The following SRCIN1 variants were observed in gnomAD, a reference collection of about 807,000 sequenced individuals.
The protein encoded by SRCIN1 is P130Cas-associated protein.
In SRCIN1, 50 loss-of-function variants were observed where a neutral mutation model predicts 116.2. That is an observed-to-expected ratio of 0.43 (90% CI 0.34 to 0.54). The LOEUF is 0.54. Among genes scored for constraint, SRCIN1 ranks in the 20% least tolerant of loss-of-function variants. The probability of loss-of-function intolerance (pLI) is 0.02; values close to 1 mark genes in which losing one functional copy is unlikely to be tolerated. For synonymous variants in SRCIN1, 736 were observed against 750.0 expected (o/e 0.98, Z 0.30); for missense variants, 1,446 against 1,672.0 (o/e 0.86, Z 2.36).
chr17:38,591,668 C>A (rs1457464312), intron 1 of SRCIN1, among the ~76,000 whole-genome samples: 1 of 152,220 alleles, frequency 6.6e-6, no homozygotes, highest in Non-Finnish European at 1.5e-5. Context: ...AACGCTCAGG[C>A]CTCCCCCAGC....
At chr17:38,549,348 G>T in intron 15 of SRCIN1, 138 bp from the exon 16 acceptor site, 1 of 805,502 alleles carries the variant, frequency 1.2e-6, no homozygotes. Context: ...CTGGGGGCAA[G>T]AACACAGGGC....
chr17:38,582,322 G>C (rs760619301), intron 1 of SRCIN1, among the ~76,000 whole-genome samples: 3 of 152,196 alleles, frequency 2.0e-5, no homozygotes, highest in Non-Finnish European at 4.4e-5. Context: ...TGACTGTGGA[G>C]TGGGAGGGTC....
Position 38,552,828 on chromosome 17 carries a change from G to A in SRCIN1, c.2229C>T (p.Ile743=). The A allele has an allele frequency of 6.2e-7, 1 of 1,613,952 alleles. No individual in the cohort carries two copies. Among genetic ancestry groups the A allele is most frequent in the African/African-American group, 1.3e-5 (1 of 75,020 alleles). Residue 743 remains isoleucine (I), a synonymous_variant, in exon 12 of 19, where the codon ATC becomes ATT. Transcript: ENST00000617146. This position sits in a 1 kb window ranked among gnomAD's most constrained non-coding sequence, Gnocchi z 5.3. ...GGTGGTTGTGGGACACGTCTCTCTG[G>A]ATCTTCTCCACCGATTTCTCCAGGT... The part of the protein sequence containing the change: ...LNDLEKSVEK[I]QRDVSHNHRL...
intron 17 of SRCIN1, chr17:38,546,521 C>T (rs532729474): frequency 1.3e-5 from 2 of 152,440 alleles, no homozygotes; most frequent in East Asian, 1.9e-4. Flanking sequence ...CGCCCGGCTC[C>T]GTTGCCCGAT....
chr17:38,534,299 G>A (rs187729706), intron 18 of SRCIN1, among the ~76,000 whole-genome samples: 6 of 152,290 alleles, frequency 3.9e-5, no homozygotes, highest in South Asian at 2.1e-4. Context: ...GGCATGCATC[G>A]TGAATGCAGA....
rs1908054201 is a variant in SRCIN1, at chr17:38,585,342, C to A, written c.23-6551G>T. 1.3e-5 allele frequency among the ~76,000 whole-genome samples: 2 copies of A among 152,338 alleles called. No homozygotes were observed. The highest frequency in any genetic ancestry group is 1.3e-4 in the Admixed American group (2 of 15,308). ...CCAATGCTACAGGAGCCCAAGTCAG[C>A]CAGGAGGAGCCCCGAGGCACTGCCA... On this transcript the variant is annotated intron_variant, in intron 1 of 18. Transcript: ENST00000617146. This position sits in a 1 kb window ranked among gnomAD's most constrained non-coding sequence, Gnocchi z 4.2.
chr17:38,568,106 C>T lies in SRCIN1; in HGVS notation c.345+105G>A, dbSNP rs909175520. 3 of 1,385,460 alleles carry T rather than the reference C, an allele frequency of 2.2e-6. No individual in the cohort carries two copies. The highest frequency in any genetic ancestry group is 2.4e-5 in the East Asian group (1 of 42,198). The allele number at this position is 1,385,460 out of a possible 1,614,324, so 85.8% of individuals were successfully genotyped here. On this transcript the variant is annotated intron_variant, in intron 3 of 18. Coordinates refer to ENST00000617146, the MANE Select transcript of SRCIN1 (RefSeq NM_025248.3). This position sits in a 1 kb window ranked among gnomAD's most constrained non-coding sequence, Gnocchi z 4.5. ...CCCACCGCCCATACCAGAAGGTGTCCGTGCAGATGCGCACCCCGGTGCAAA... is the reference window on the plus strand; with the variant it reads ...CCCACCGCCCATACCAGAAGGTGTCTGTGCAGATGCGCACCCCGGTGCAAA...
chr17:38,595,829 C>T (rs1205942455), intron 1 of SRCIN1, among the ~76,000 whole-genome samples: 8 of 152,238 alleles, frequency 5.3e-5, no homozygotes, highest in South Asian at 2.1e-4. Flanking sequence ...TGCTTGTACA[C>T]GCACACTCAC....
At position 38,562,201 on chromosome 17, in the gene SRCIN1, TGCAGCCCGGACGGCAGCCCCGACG is replaced by T; in HGVS notation, c.938_961del (p.Pro313_Leu320del). On this transcript the variant is annotated inframe_deletion, in exon 7 of 19. Transcript: ENST00000617146. The surrounding 1 kb of genome is among the most constrained non-coding windows in gnomAD (Gnocchi z 4.2). The stretch of plus-strand genomic sequence containing the variant: ...GCGCGAACGCGACGGCGAACCGGAC[TGCAGCCCGGACGGCAGCCCCGACG>T]GCAGCCCGGGCGGCGGCGAGCCGGA... 7 of 1,421,650 alleles carry T rather than the reference TGCAGCCCGGACGGCAGCCCCGACG, an allele frequency of 4.9e-6. No homozygotes were observed. Among genetic ancestry groups the T allele is most frequent in the South Asian group, 3.0e-5 (2 of 67,462 alleles). The allele number at this position is 1,421,650 out of a possible 1,614,324, so 88.1% of individuals were successfully genotyped here.
chr17:38,536,535 C>G (rs945286539), intron 18 of SRCIN1, among the ~76,000 whole-genome samples: 3 of 152,236 alleles, frequency 2.0e-5, no homozygotes, highest in Non-Finnish European at 4.4e-5. Context: ...CACCTGCTCT[C>G]GCCAGGTCCA....
intron 17 of SRCIN1, chr17:38,545,310 C>G (rs1299178853): frequency 6.6e-6 from 1 of 151,440 alleles, no homozygotes; most frequent in African/African-American, 2.4e-5. Context: ...CCCAGCCCCT[C>G]GTGCTGTCAG....
intron 1 of SRCIN1, among the ~76,000 whole-genome samples, chr17:38,589,197 T>G (rs1327718618): frequency 6.6e-6 from 1 of 152,216 alleles, no homozygotes; most frequent in Non-Finnish European, 1.5e-5. Flanking sequence ...CTTACAGGCG[T>G]GAGCCACCGT....
intron 11 of SRCIN1, among the ~76,000 whole-genome samples, chr17:38,556,741 G>A (rs1459426652): frequency 1.3e-5 from 2 of 152,210 alleles, no homozygotes; most frequent in African/African-American, 4.8e-5. Context: ...AGCTCTCTGA[G>A]TAATGGGTTT....
chr17:38,533,163 G>C lies in SRCIN1; in HGVS notation c.*134C>G. 2 of 1,024,206 alleles carry C rather than the reference G, an allele frequency of 2.0e-6. No homozygotes were observed. The highest frequency in any genetic ancestry group is 2.2e-5 in the South Asian group (1 of 45,850). The allele number at this position is 1,024,206 out of a possible 1,614,324, so 63.4% of individuals were successfully genotyped here. The stretch of plus-strand genomic sequence containing the variant: ...TGGGTAGGGGTCGCTGAGGAGGGCC[G>C]CACCCTCCTCTTCAGGGCACACCCC... On this transcript the variant is annotated 3_prime_UTR_variant, in exon 19 of 19. Coordinates refer to ENST00000617146, the MANE Select transcript of SRCIN1 (RefSeq NM_025248.3).
rs1295256057 is a variant in SRCIN1 at position 38,568,263 on chromosome 17, T to C, written c.325-32A>G. ...ATGGAAATAAGAGAAGAGATGGTTA[T>C]GAGGGGGCCCAGGAGGGGAAAAGAG... On this transcript the variant is annotated intron_variant, in intron 2 of 18. Transcript: ENST00000617146. This position sits in a 1 kb window ranked among gnomAD's most constrained non-coding sequence, Gnocchi z 4.5. The C allele has an allele frequency of 4.3e-6, 7 of 1,610,672 alleles. No homozygotes were observed. Among genetic ancestry groups the C allele is most frequent in the Non-Finnish European group, 5.9e-6 (7 of 1,178,492 alleles).
chr17:38,583,618 T>G (rs572149931), intron 1 of SRCIN1, among the ~76,000 whole-genome samples: 37 of 147,796 alleles, frequency 2.5e-4, no homozygotes, highest in African/African-American at 9.0e-4. Flanking sequence ...AATGGTGCGA[T>G]CTCGGCTCAC....
chr17:38,588,530 G>A (rs1016451802), intron 1 of SRCIN1, among the ~76,000 whole-genome samples: 4 of 152,198 alleles, frequency 2.6e-5, no homozygotes, highest in Admixed American at 1.3e-4. Flanking sequence ...TGGAGGGTGG[G>A]AAGGGAGGAA....
At chr17:38,597,850 A>C (rs1810782968) in intron 1 of SRCIN1, among the ~76,000 whole-genome samples, 1 of 152,154 alleles carries the variant, frequency 6.6e-6, no homozygotes, top group Non-Finnish European at 1.5e-5. Flanking sequence ...CCTCGTCCTA[A>C]GAGTGGGAGG....
rs1467920894 is a variant in SRCIN1 at position 38,563,686 on chromosome 17, G to A, written c.542-165C>T. On this transcript the variant is annotated intron_variant, in intron 4 of 18. Coordinates refer to ENST00000617146, the MANE Select transcript of SRCIN1 (RefSeq NM_025248.3). The surrounding 1 kb of genome is among the most constrained non-coding windows in gnomAD (Gnocchi z 5.8). ...CACCCAGGCACCTCTCATGCTGCCG[G>A]CGGGGGCGCCAGGCCGGCTCTCCAG... is the stretch of plus-strand genomic sequence containing the variant. The A allele has an allele frequency of 9.9e-7, 1 of 1,005,516 alleles. No homozygotes were observed. Among genetic ancestry groups the A allele is most frequent in the African/African-American group, 1.6e-5 (1 of 62,890 alleles). 62.3% of individuals were successfully genotyped at this position (1,005,516 alleles called of 1,614,324 possible).
Sources: gnomAD v4.1 joint callset for allele counts (sites outside exome capture counted in the v4.1 genomes callset) on GRCh38, gnomAD v4.1.1 for gene constraint, Gnocchi (gnomAD v3.1) non-coding constraint, MANE v1.5 for transcripts, NCBI Gene and HGNC (gene_info 2026-07-23, HGNC 2026-07-21) for gene names.